CNTLN: variants seen among roughly 807,000 people sequenced by gnomAD.
CNTLN encodes centlein, centrosomal protein.
CNTLN carries 212 observed loss-of-function variants against 180.0 expected under a neutral mutation model. That is an observed-to-expected ratio of 1.18 (90% confidence interval 1.05 to 1.32). CNTLN has a LOEUF of 1.32. Among genes scored for constraint, CNTLN ranks in the 40% most tolerant of loss-of-function variants. CNTLN has a pLI of 0.00. For synonymous variants in CNTLN, 722 were observed against 563.1 expected, an observed-to-expected ratio of 1.28 and a Z score of -3.99; for missense variants, 2,095 against 1,610.9, an observed-to-expected ratio of 1.30 and a Z score of -5.14.
chr9:17,277,399 A>T (rs1398880026), intron 6 of CNTLN, among the ~76,000 whole-genome samples: 1 of 152,120 alleles, frequency 6.6e-6, no homozygotes, highest in African/African-American at 2.4e-5. Context: ...AATTGGATTA[A>T]TACATCTGGA....
chr9:17,296,806 G>A (rs1023635849), intron 6 of CNTLN, among the ~76,000 whole-genome samples: 9 of 152,150 alleles, frequency 5.9e-5, no homozygotes, highest in African/African-American at 2.2e-4. Flanking sequence ...CCATGTATCT[G>A]TATGGATGCA....
intron 8 of CNTLN, among the ~76,000 whole-genome samples, chr9:17,324,426 C>G (rs1242495897): frequency 6.6e-6 from 1 of 152,094 alleles, no homozygotes; most frequent in Non-Finnish European, 1.5e-5. Flanking sequence ...TCTTTTCATT[C>G]TAGCTTTTAA....
intron 18 of CNTLN, among the ~76,000 whole-genome samples, chr9:17,433,064 G>C (rs1010178056): frequency 6.9e-6 from 1 of 145,596 alleles, no homozygotes; most frequent in Non-Finnish European, 1.5e-5. Flanking sequence ...GAAAAAAAAT[G>C]TCTAACCTCC....
Position 17,168,988 on chromosome 9 carries a change from A to G in CNTLN, c.449+25612A>G, listed in dbSNP as rs1820261737. Among the ~76,000 whole-genome samples the G allele has an allele frequency of 3.3e-5, 5 of 152,026 alleles. No homozygotes were observed. In the South Asian group the frequency reaches 8.3e-4, roughly 25 times the overall value. ...CATCCATTTTTTACCTTTTATTTGA[A>G]TAGATTTAGAGTCTTTTTATTTTTT... On this transcript the variant is annotated intron_variant, in intron 2 of 25. Transcript: ENST00000380647.
intron 12 of CNTLN, among the ~76,000 whole-genome samples, chr9:17,348,012 G>A (rs1053839258): frequency 2.0e-5 from 3 of 151,738 alleles, no homozygotes; most frequent in African/African-American, 7.3e-5. Context: ...TTGTATTTTT[G>A]TAGAAACGGG....
At chr9:17,258,547 G>C (rs1281568459) in intron 5 of CNTLN, among the ~76,000 whole-genome samples, 1 of 150,734 alleles carries the variant, frequency 6.6e-6, no homozygotes, top group Non-Finnish European at 1.5e-5. Flanking sequence ...GGATGGCATT[G>C]AATCTGTAAA....
At chr9:17,388,601 T>C (rs1166496045) in intron 14 of CNTLN, among the ~76,000 whole-genome samples, 3 of 152,016 alleles carry the variant, frequency 2.0e-5, no homozygotes, top group Non-Finnish European at 4.4e-5. Context: ...TCCACAAATA[T>C]AGAGATTTAT....
chr9:17,244,288 T>C (rs1462335422), intron 5 of CNTLN, among the ~76,000 whole-genome samples: 2 of 151,966 alleles, frequency 1.3e-5, no homozygotes, highest in African/African-American at 4.8e-5. Context: ...CATGGCTCAC[T>C]TCAGTCTCCA....
chr9:17,361,846 C>T (rs141985485), intron 12 of CNTLN, among the ~76,000 whole-genome samples: 13 of 152,176 alleles, frequency 8.5e-5, no homozygotes, highest in Non-Finnish European at 1.8e-4. Flanking sequence ...CAGTTGTTTC[C>T]TATCATTTGT....
intron 19 of CNTLN, among the ~76,000 whole-genome samples, chr9:17,461,720 C>T (rs1831457762): frequency 6.6e-6 from 1 of 151,416 alleles, no homozygotes; most frequent in African/African-American, 2.4e-5. Context: ...TAAATAACTA[C>T]TCCAAATATT....
At chr9:17,211,416 C>T (rs1386358167) in intron 2 of CNTLN, among the ~76,000 whole-genome samples, 2 of 151,800 alleles carry the variant, frequency 1.3e-5, no homozygotes, top group Admixed American at 1.3e-4. Flanking sequence ...TTGGTGATAT[C>T]TCTGTTTTGG....
At position 17,278,080 on chromosome 9, in the gene CNTLN, T is replaced by A. The variant is rs1285659697; in HGVS notation, c.983+4214T>A. On this transcript the variant is annotated intron_variant, in intron 6 of 25. Transcript: ENST00000380647. The stretch of plus-strand genomic sequence containing the variant: ...CAGAGGAACACAGGCACTATCAAAC[T>A]GTGGCTCAGCAGAGAGTGAGCTGGG... 4.6e-5 allele frequency among the ~76,000 whole-genome samples: 7 copies of A among 152,208 alleles called. No homozygotes were observed. In the East Asian group the frequency reaches 9.6e-4, roughly 21 times the overall value.
At chr9:17,299,622 A>G in intron 7 of CNTLN, 1 of 985,176 alleles carries the variant, frequency 1.0e-6, no homozygotes, top group Non-Finnish European at 1.2e-6. Flanking sequence ...GCAGGAAGAT[A>G]CAGTCTTCCA....
At chr9:17,181,161 C>G (rs543425638) in intron 2 of CNTLN, among the ~76,000 whole-genome samples, 1 of 152,226 alleles carries the variant, frequency 6.6e-6, no homozygotes, top group South Asian at 2.1e-4. Context: ...TCTCTTCTAC[C>G]TAGGCTCAGG....
chr9:17,305,171 C>T (rs1174355608), intron 7 of CNTLN, among the ~76,000 whole-genome samples: 4 of 152,060 alleles, frequency 2.6e-5, no homozygotes, highest in Admixed American at 2.6e-4. Context: ...TTCTAACTTG[C>T]TTTCTGTCCC....
intron 12 of CNTLN, among the ~76,000 whole-genome samples, chr9:17,351,146 A>G (rs1822327957): frequency 6.6e-6 from 1 of 152,162 alleles, no homozygotes; most frequent in African/African-American, 2.4e-5. Context: ...TTCTGGTTTT[A>G]TCTCTGTACC....
At chr9:17,504,126 T>A (rs186500847), downstream of CNTLN, among the ~76,000 whole-genome samples, 31 of 152,256 alleles carry the variant, frequency 2.0e-4, no homozygotes, top group African/African-American at 7.2e-4. Context: ...GTACACACTT[T>A]TCATGTCAAA....
intron 12 of CNTLN, among the ~76,000 whole-genome samples, chr9:17,359,798 G>T (rs1266892275): frequency 1.4e-5 from 2 of 146,878 alleles, no homozygotes; most frequent in Non-Finnish European, 3.0e-5. Flanking sequence ...TACTCAGGAG[G>T]CTGAGGCAGG....
chr9:17,243,532 G>T (rs941886198), intron 5 of CNTLN, among the ~76,000 whole-genome samples: 7 of 151,594 alleles, frequency 4.6e-5, no homozygotes, highest in Admixed American at 2.6e-4. Flanking sequence ...TTTGCTTCTG[G>T]GAATTTTTCA....
Sources: allele counts gnomAD v4.1 joint callset (sites outside exome capture counted in the v4.1 genomes callset), GRCh38; gene constraint gnomAD v4.1.1; transcripts MANE v1.5; gene names NCBI Gene and HGNC (gene_info 2026-07-23, HGNC 2026-07-21).